The following CUL4A variants were observed in gnomAD, a reference collection of about 807,000 sequenced individuals.
CUL4A encodes the protein cullin-4A.
CUL4A carries 16 observed loss-of-function variants against 95.5 expected under a neutral mutation model. That is an observed-to-expected ratio of 0.17 (90% CI 0.11 to 0.25). CUL4A has a LOEUF of 0.25. Among genes scored for constraint, CUL4A ranks in the 10% least tolerant of loss-of-function variants. The probability of loss-of-function intolerance (pLI) is 1.00; values close to 1 mark genes in which losing one functional copy is unlikely to be tolerated. For synonymous variants in CUL4A, 380 were observed against 353.1 expected (o/e 1.08, Z -0.85); for missense variants, 610 against 937.0 (o/e 0.65, Z 4.56).
intron 15 of CUL4A, among the ~76,000 whole-genome samples, chr13:113,250,948 AGAG>A (rs1188362490): frequency 1.3e-5 from 2 of 152,222 alleles, no homozygotes; most frequent in East Asian, 3.9e-4. Flanking sequence ...TGAAGCATGA[AGAG>A]GAGATTGCCA....
intron 5 of CUL4A, among the ~76,000 whole-genome samples, chr13:113,232,769 AAG>A (rs1208198102): frequency 6.6e-6 from 1 of 152,114 alleles, no homozygotes; most frequent in Non-Finnish European, 1.5e-5. Flanking sequence ...GGACACTGGG[AAG>A]AGAGTGTACC....
At chr13:113,235,539 T>A (rs2041509756) in intron 8 of CUL4A, among the ~76,000 whole-genome samples, 2 of 152,190 alleles carry the variant, frequency 1.3e-5, no homozygotes, top group African/African-American at 2.4e-5. Context: ...GTTTTTTTCC[T>A]GCAAACCTGA....
chr13:113,244,216 T>G, intron 11 of CUL4A, 194 bp from the exon 12 acceptor site: 2 of 543,750 alleles, frequency 3.7e-6, no homozygotes, highest in East Asian at 5.9e-5. Flanking sequence ...AGTCCTGGCT[T>G]CATTAAAATT....
chr13:113,221,766 C>T (rs538770040), intron 3 of CUL4A, among the ~76,000 whole-genome samples: 3 of 152,198 alleles, frequency 2.0e-5, no homozygotes, highest in African/African-American at 4.8e-5. Flanking sequence ...TTAGTAGAGA[C>T]GGGGTTTCAC....
intron 3 of CUL4A, among the ~76,000 whole-genome samples, chr13:113,220,957 C>T (rs909725590): frequency 2.6e-5 from 4 of 152,148 alleles, no homozygotes; most frequent in African/African-American, 9.7e-5. Context: ...AAAACACTAC[C>T]GTATTAAATG....
At chr13:113,222,179 G>C (rs1396098864) in intron 3 of CUL4A, among the ~76,000 whole-genome samples, 1 of 152,214 alleles carries the variant, frequency 6.6e-6, no homozygotes, top group Non-Finnish European at 1.5e-5. Context: ...ATGCTGAATT[G>C]TGGAGGAGCC....
chr13:113,215,491 GGTT>G (rs1403579018), intron 2 of CUL4A, among the ~76,000 whole-genome samples: 1 of 150,830 alleles, frequency 6.6e-6, no homozygotes, highest in East Asian at 2.0e-4. Context: ...TGACTATGGA[GGTT>G]GTTGTGTGAC....
chr13:113,247,802 G>A (rs2041893976), intron 15 of CUL4A, among the ~76,000 whole-genome samples: 1 of 152,178 alleles, frequency 6.6e-6, no homozygotes, highest in Non-Finnish European at 1.5e-5. Flanking sequence ...TATTCTAGTG[G>A]CTATTTCCCA....
chr13:113,233,434 T>C (rs1295898433), intron 6 of CUL4A, 95 bp downstream of exon 6: 1 of 1,226,198 alleles, frequency 8.2e-7, no homozygotes, highest in Non-Finnish European at 1.1e-6. Flanking sequence ...AATGAAATCA[T>C]AAAGGCATTT....
rs537091151 is a variant in CUL4A, at chr13:113,232,104, T to C, written c.513-1073T>C. On this transcript the variant is annotated intron_variant, in intron 5 of 19. Coordinates refer to ENST00000375440, the MANE Select transcript of CUL4A (RefSeq NM_001008895.4). ...CGCCCACCACCATTACTGTCACCACTACCCGCCCACCACCATTACTGTCAC... is the reference window on the plus strand; with the variant it reads ...CGCCCACCACCATTACTGTCACCACCACCCGCCCACCACCATTACTGTCAC... 5.3e-4 allele frequency among the ~76,000 whole-genome samples: 50 copies of C among 94,918 alleles called. 2 individuals are homozygous for C. The highest frequency in any genetic ancestry group is 8.1e-4 in the African/African-American group (18 of 22,348). 62.3% of individuals were successfully genotyped at this position (94,918 alleles called of 152,430 possible).
At chr13:113,218,812 T>G in intron 2 of CUL4A, 133 bp from the exon 3 acceptor site, 1 of 597,638 alleles carries the variant, frequency 1.7e-6, no homozygotes. Flanking sequence ...AATTTATTTG[T>G]AGATTCCTGA....
At chr13:113,242,925 A>C in intron 10 of CUL4A, 43 bp from the exon 11 acceptor site, 1 of 1,500,782 alleles carries the variant, frequency 6.7e-7, no homozygotes, top group Non-Finnish European at 9.2e-7. Flanking sequence ...ACTGTTTGCT[A>C]TTGTAAACAT....
chr13:113,254,876 G>A (rs2042082262), intron 17 of CUL4A, 77 bp from the exon 18 acceptor site: 3 of 1,590,712 alleles, frequency 1.9e-6, no homozygotes, highest in Non-Finnish European at 2.6e-6. Context: ...ACATAGACTT[G>A]GTAGCATGAT....
chr13:113,235,609 A>G (rs4578541), intron 8 of CUL4A, among the ~76,000 whole-genome samples: 2 of 152,150 alleles, frequency 1.3e-5, no homozygotes, highest in African/African-American at 4.8e-5. Context: ...TGTGTCAGGC[A>G]CAGTGTGTCC....
Position 113,265,997 on chromosome 13 carries a change from A to G in CUL4A, c.*2415A>G, listed in dbSNP as rs2042391030. On this transcript the variant is annotated 3_prime_UTR_variant, in exon 20 of 20. Transcript: ENST00000375440. ...AAACATCAGTAGCTTTCCTATAAAT[A>G]TAGGCTATAATGGAGGGTCATTTTT... is the stretch of plus-strand genomic sequence containing the variant. 1 of 152,170 alleles carries G rather than the reference A, an allele frequency of 6.6e-6. No homozygotes were observed. Among genetic ancestry groups the G allele is most frequent in the Non-Finnish European group, 1.5e-5 (1 of 68,024 alleles). 9.4% of individuals were successfully genotyped at this position (152,170 alleles called of 1,614,324 possible).
chr13:113,248,316 C>G (rs890104918), intron 15 of CUL4A, among the ~76,000 whole-genome samples: 10 of 152,222 alleles, frequency 6.6e-5, no homozygotes, highest in Non-Finnish European at 1.3e-4. Flanking sequence ...CTTCTTTCCA[C>G]CCCCTTTATT....
At chr13:113,238,359 G>A (rs957340739) in intron 9 of CUL4A, among the ~76,000 whole-genome samples, 1 of 151,918 alleles carries the variant, frequency 6.6e-6, no homozygotes, top group Non-Finnish European at 1.5e-5. Flanking sequence ...GGTGAGGTGG[G>A]AGGATCACTT....
chr13:113,238,784 A>G (rs1372104851), intron 9 of CUL4A, among the ~76,000 whole-genome samples: 2 of 152,198 alleles, frequency 1.3e-5, no homozygotes, highest in Non-Finnish European at 2.9e-5. Context: ...CAGTGTAGGC[A>G]GAATCTGAGA....
chr13:113,255,137 C>T lies in CUL4A; in HGVS notation c.2031+12C>T. 6.3e-7 allele frequency: 1 copy of T among 1,586,482 alleles called. No homozygotes were observed. The highest frequency in any genetic ancestry group is 8.6e-7 in the Non-Finnish European group (1 of 1,161,688). Reference sequence around the variant, plus strand: ...AGATGAAGGAAACTGTATGTATAAACTTTCTCTTTTTACTTATAGGGGGTT... The same window carrying T: ...AGATGAAGGAAACTGTATGTATAAATTTTCTCTTTTTACTTATAGGGGGTT... On this transcript the variant is annotated intron_variant, in intron 18 of 19. Transcript: ENST00000375440.
Sources: allele counts gnomAD v4.1 joint callset (sites outside exome capture counted in the v4.1 genomes callset), GRCh38; gene constraint gnomAD v4.1.1; transcripts MANE v1.5; gene names NCBI Gene and HGNC (gene_info 2026-07-23, HGNC 2026-07-21).